The following EIF3I variants were observed in gnomAD, a reference collection of about 807,000 sequenced individuals.
EIF3I encodes TGF-beta receptor-interacting protein 1.
EIF3I carries 20 observed loss-of-function variants against 43.3 expected under a neutral mutation model. The observed-to-expected ratio is 0.46, with a 90% confidence interval of 0.32 to 0.67. The LOEUF (loss-of-function observed/expected upper bound fraction) is 0.67. Among genes scored for constraint, EIF3I ranks in the 30% least tolerant of loss-of-function variants. The pLI, the probability that EIF3I is intolerant of heterozygous loss-of-function variation, is 0.03. For missense variants in EIF3I, 279 were observed against 421.4 expected, an observed-to-expected ratio of 0.66 and a Z score of 2.96; for synonymous variants, 167 against 151.7, an observed-to-expected ratio of 1.10 and a Z score of -0.74.
rs764508140 is a variant in EIF3I, at chr1:32,228,639, GCTCC to G, written c.639+39_639+42del. On this transcript the variant is annotated intron_variant, in intron 7 of 11. Coordinates refer to ENST00000676679, the Ensembl canonical transcript of EIF3I. ...GCCTGGGCAGCGGTCTGGCAGGGCT[GCTCC>G]CTCCCTCCGGCTGCACAGCTCACCC... 6.2e-6 allele frequency: 10 copies of G among 1,607,516 alleles called. No individual in the cohort carries two copies. The African/African-American group carries it at 1.3e-4, about 21-fold the overall frequency.
chr1:32,230,823 CAAAAT>C, intron 10 of EIF3I, 99 bp from the exon 10 acceptor site: 1 of 862,678 alleles, frequency 1.2e-6, no homozygotes, highest in Non-Finnish European at 1.8e-6. Context: ...GACTCCATCT[CAAAAT>C]AAATAAATAA....
chr1:32,225,864 AC>A (rs2124262156), intron 4 of EIF3I, among the ~76,000 whole-genome samples: 1 of 151,942 alleles, frequency 6.6e-6, no homozygotes, highest in Admixed American at 6.6e-5. Flanking sequence ...TACTAAAAAT[AC>A]AAAAAATTAG....
At position 32,224,087 on chromosome 1, in the gene EIF3I, C is replaced by T. The variant is rs989751771; in HGVS notation, c.150C>T (p.Gly50=). The T allele has an allele frequency of 1.1e-5, 18 of 1,614,128 alleles. No individual in the cohort carries two copies. The East Asian group carries it at 4.0e-4, about 36-fold the overall frequency. ...GTGAGAGGCTGGGCACCTACATGGG[C>T]CATACCGGAGCTGTGTGGTGTGTGG... The change falls in exon 3 of 12, where the codon GGC becomes GGT. Residue 50 remains glycine (G), a synonymous_variant. Coordinates refer to ENST00000676679, the Ensembl canonical transcript of EIF3I.
At position 32,222,454 on chromosome 1, in the gene EIF3I, A is replaced by G; in HGVS notation, c.3+10A>G. 1 of 1,602,750 alleles carries G rather than the reference A, an allele frequency of 6.2e-7. No individual in the cohort carries two copies. The highest frequency in any genetic ancestry group is 8.5e-7 in the Non-Finnish European group (1 of 1,171,808). On this transcript the variant is annotated intron_variant, in intron 1 of 11. Coordinates refer to ENST00000676679, the Ensembl canonical transcript of EIF3I. ...CGTCACAGCCGGGATGGTGAGTTTC[A>G]GAGTTAGGGGTATTGCAGTGGGGGT...
exon 8 of EIF3I, chr1:32,228,816 T>G (rs1473530770): frequency 6.8e-6 from 11 of 1,612,450 alleles, no homozygotes; most frequent in Non-Finnish European, 9.3e-6. Flanking sequence ...ACTATGACCA[T>G]GTAAGAGAAC....
chr1:32,236,006 C>T (rs939215607), downstream of EIF3I, among the ~76,000 whole-genome samples: 2 of 152,192 alleles, frequency 1.3e-5, no homozygotes, highest in African/African-American at 4.8e-5. Context: ...TATCTGTAGC[C>T]TCATCTGTCC....
rs1196419525 is a variant in EIF3I at position 32,226,161 on chromosome 1, C to T, written c.251-10C>T. 2 of 1,613,774 alleles carry T rather than the reference C, an allele frequency of 1.2e-6. No homozygotes were observed. The highest frequency in any genetic ancestry group is 1.1e-5 in the South Asian group (1 of 91,014). ...ATGGATGGTGTAGCCCAGACTTTGC[C>T]TGACTCCAGGAAAGCAGCTGGCCCT... On this transcript the variant is annotated splice_polypyrimidine_tract_variant and intron_variant, in intron 4 of 11. Transcript: ENST00000676679.
Position 32,231,031 on chromosome 1 carries a change from G to A in EIF3I, c.1007+12G>A. The A allele has an allele frequency of 1.2e-6, 2 of 1,613,794 alleles. No homozygotes were observed. Among genetic ancestry groups the A allele is most frequent in the Non-Finnish European group, 1.7e-6 (2 of 1,179,754 alleles). The stretch of plus-strand genomic sequence containing the variant: ...CCTGATGGCAAGAGGTAGGGTACCA[G>A]TGAAGCAGCTGACCTAAGCCTGGGT... On this transcript the variant is annotated intron_variant, in intron 11 of 11. Transcript: ENST00000676679.
intron 9 of EIF3I, among the ~76,000 whole-genome samples, chr1:32,230,010 T>C (rs1389857109): frequency 6.6e-6 from 1 of 152,212 alleles, no homozygotes; most frequent in African/African-American, 2.4e-5. Context: ...GTATTAGTTA[T>C]GTATTCAGGC....
At chr1:32,232,996 T>G (rs1639260128), downstream of EIF3I, among the ~76,000 whole-genome samples, 1 of 151,952 alleles carries the variant, frequency 6.6e-6, no homozygotes, top group South Asian at 2.1e-4. Context: ...ATTTACTTAT[T>G]TATTTATTTA....
intron 4 of EIF3I, 60 bp downstream of exon 4, chr1:32,224,535 A>T: frequency 7.9e-7 from 1 of 1,260,044 alleles, no homozygotes; most frequent in East Asian, 2.3e-5. Context: ...TACCTGTTTG[A>T]GTAAACAGGT....
intron 3 of EIF3I, 55 bp downstream of exon 3, chr1:32,224,176 G>A (rs1639100291): frequency 6.3e-7 from 1 of 1,575,080 alleles, no homozygotes. Flanking sequence ...GCGATGGAGA[G>A]GCTGAGTTGG....
chr1:32,234,312 A>C (rs1366023379), downstream of EIF3I: 1 of 151,552 alleles, frequency 6.6e-6, no homozygotes, highest in Non-Finnish European at 1.5e-5. Context: ...CTCAAAAAAA[A>C]AAAAAAAAAG....
At chr1:32,224,658 C>CTTTTTTTTTTT (rs58586351) in intron 4 of EIF3I, among the ~76,000 whole-genome samples, 183 bp downstream of exon 4, 29 of 136,342 alleles carry the variant, frequency 2.1e-4, no homozygotes, top group African/African-American at 5.7e-4. Flanking sequence ...ATTAAGTTTT[C>CTTTTTTTTTTT]TTTTTTTTTT....
At chr1:32,227,206 G>A (rs1477484932) in intron 6 of EIF3I, among the ~76,000 whole-genome samples, 4 of 150,050 alleles carry the variant, frequency 2.7e-5, no homozygotes, top group South Asian at 4.3e-4. Flanking sequence ...TGAGCCCAGG[G>A]GTTGGGGCTG....
Position 32,228,614 on chromosome 1 carries a change from G to T in EIF3I, c.639+5G>T. ...TCCAAGGACAACACAGCCAAGGTGA[G>T]CCTGGGCAGCGGTCTGGCAGGGCTG... is the stretch of plus-strand genomic sequence containing the variant. On this transcript the variant is annotated splice_donor_5th_base_variant and intron_variant, in intron 7 of 11. Coordinates refer to ENST00000676679, the Ensembl canonical transcript of EIF3I. 6.2e-7 allele frequency: 1 copy of T among 1,613,818 alleles called. No individual in the cohort carries two copies. Among genetic ancestry groups the T allele is most frequent in the Non-Finnish European group, 8.5e-7 (1 of 1,179,654 alleles).
Position 32,228,621 on chromosome 1 carries a change from C to T in EIF3I, c.639+12C>T, listed in dbSNP as rs1284527546. 1.9e-6 allele frequency: 3 copies of T among 1,612,932 alleles called. No individual in the cohort carries two copies. Among genetic ancestry groups the T allele is most frequent in the South Asian group, 2.2e-5 (2 of 91,070 alleles). On this transcript the variant is annotated intron_variant, in intron 7 of 11. Coordinates refer to ENST00000676679, the Ensembl canonical transcript of EIF3I. ...ACAACACAGCCAAGGTGAGCCTGGG[C>T]AGCGGTCTGGCAGGGCTGCTCCCTC...
At chr1:32,224,236 A>T in intron 3 of EIF3I, 115 bp downstream of exon 3, 1 of 1,142,822 alleles carries the variant, frequency 8.8e-7, no homozygotes, top group Non-Finnish European at 1.3e-6. Context: ...GATACCTCCT[A>T]CTCCCTGGTC....
rs776830433 is a variant in EIF3I, at chr1:32,222,662, G to T, written c.96+32G>T. On this transcript the variant is annotated intron_variant, in intron 2 of 11. Coordinates refer to ENST00000676679, the Ensembl canonical transcript of EIF3I. Reference sequence around the variant, plus strand: ...GTTGGCTGGAGGGGGTCCGGGAGGGGCGGGATCCTTCTGCCAGGACGATGG... The same window carrying T: ...GTTGGCTGGAGGGGGTCCGGGAGGGTCGGGATCCTTCTGCCAGGACGATGG... 113 of 1,604,390 alleles carry T rather than the reference G, an allele frequency of 7.0e-5. 1 individual carries two copies. The Middle Eastern group carries it at 2.0e-3, about 28-fold the overall frequency.
Sources: allele counts gnomAD v4.1 joint callset (sites outside exome capture counted in the v4.1 genomes callset), GRCh38; gene constraint gnomAD v4.1.1; transcripts MANE v1.5; gene names NCBI Gene and HGNC (gene_info 2026-07-23, HGNC 2026-07-21).